DGKD: variants seen among roughly 807,000 people sequenced by gnomAD.
The protein encoded by DGKD is diacylglycerol kinase delta.
A neutral mutation model predicts 154.4 loss-of-function variants in DGKD; 68 were observed. The ratio of observed to expected loss-of-function variants is 0.44; its 90% CI spans 0.36 to 0.54. DGKD has a LOEUF of 0.54. Among genes scored for constraint, DGKD ranks in the 20% least tolerant of loss-of-function variants. The pLI, the probability that DGKD is intolerant of heterozygous loss-of-function variation, is 0.00. For synonymous variants in DGKD, 693 were observed against 638.0 expected (o/e 1.09, Z -1.30); for missense variants, 1,343 against 1,593.6 (o/e 0.84, Z 2.68).
chr2:233,356,779 CAG>C (rs921838777), intron 1 of DGKD, among the ~76,000 whole-genome samples: 6 of 151,418 alleles, frequency 4.0e-5, no homozygotes, highest in Non-Finnish European at 7.4e-5. Flanking sequence ...AAGAGATTGT[CAG>C]AATGTGGGAA....
chr2:233,374,111 T>C (rs1443360172), intron 1 of DGKD, among the ~76,000 whole-genome samples: 1 of 151,892 alleles, frequency 6.6e-6, no homozygotes, highest in Non-Finnish European at 1.5e-5. Flanking sequence ...AGTGCAGTGG[T>C]GTGATCTCGG....
chr2:233,448,951 G>T lies in DGKD; in HGVS notation c.1615-152G>T, dbSNP rs1013698190. ...AAGGTGGGGATTTGCAAAGGGAGTA[G>T]CCTCTGGTCTTTTTGTTACTTAGGC... On this transcript the variant is annotated intron_variant, in intron 14 of 29. Coordinates refer to ENST00000264057, the MANE Select transcript of DGKD (RefSeq NM_152879.3). The T allele has an allele frequency of 2.4e-5, 24 of 995,138 alleles. No homozygotes were observed. In the South Asian group the frequency reaches 4.1e-4, roughly 17 times the overall value. 61.6% of individuals were successfully genotyped at this position (995,138 alleles called of 1,614,324 possible). A position where few individuals can be genotyped will look rare whatever the true frequency, so the allele number is the denominator to read the frequency against.
chr2:233,437,035 T>C (rs2062720236), intron 7 of DGKD, among the ~76,000 whole-genome samples: 1 of 152,178 alleles, frequency 6.6e-6, no homozygotes, highest in Admixed American at 6.5e-5. Flanking sequence ...AGGGGACACA[T>C]AGAGGCACAT....
At position 233,448,142 on chromosome 2, in the gene DGKD, T is replaced by C; in HGVS notation, c.1475T>C (p.Leu492Pro). The C allele has an allele frequency of 6.2e-7, 1 of 1,614,078 alleles. No individual in the cohort carries two copies. The highest frequency in any genetic ancestry group is 8.5e-7 in the Non-Finnish European group (1 of 1,180,002). ...GTTGCAGCCCACCTTTCTAAAATCC[T>C]CACCTCGGACCAGCACTCGGTGGTC... ...DSVAAHLSKILTSDQHSVVIS... is the reference protein window; with the variant it reads ...DSVAAHLSKIPTSDQHSVVIS... The change falls in exon 13 of 30, where the codon CTC (leucine) becomes CCC (proline). Residue 492 changes from leucine (L) to proline (P), a missense_variant. Around this residue, in one of 6 missense-constraint regions of DGKD, gnomAD observed 409 missense variants for 446.0 expected, o/e 0.92. Transcript: ENST00000264057.
At position 233,449,020 on chromosome 2, in the gene DGKD, T is replaced by G; in HGVS notation, c.1615-83T>G. ...CCTTTTGATCGAGTTCTAGGAAGTCTGGGTGAAATGGCCTGAGGTTCCCTG... is the reference window on the plus strand; with the variant it reads ...CCTTTTGATCGAGTTCTAGGAAGTCGGGGTGAAATGGCCTGAGGTTCCCTG... On this transcript the variant is annotated intron_variant, in intron 14 of 29. Transcript: ENST00000264057. This position sits in a 1 kb window ranked among gnomAD's most constrained non-coding sequence, Gnocchi z 5.3. 1 of 1,477,180 alleles carries G rather than the reference T, an allele frequency of 6.8e-7. No homozygotes were observed. The highest frequency in any genetic ancestry group is 9.0e-7 in the Non-Finnish European group (1 of 1,107,284). 91.5% of individuals were successfully genotyped at this position (1,477,180 alleles called of 1,614,324 possible).
intron 3 of DGKD, among the ~76,000 whole-genome samples, chr2:233,395,519 C>T (rs1182613854): frequency 6.6e-6 from 1 of 151,922 alleles, no homozygotes; most frequent in African/African-American, 2.4e-5. Flanking sequence ...TACTTCCCTT[C>T]TGTGTTGTCT....
intron 1 of DGKD, among the ~76,000 whole-genome samples, chr2:233,371,500 ACT>A (rs898423931): frequency 1.4e-4 from 22 of 151,862 alleles, no homozygotes; most frequent in African/African-American, 4.8e-4. Context: ...TTGTGTTTTC[ACT>A]CTCTTGATAG....
At chr2:233,446,506 T>G (rs947330048) in intron 11 of DGKD, among the ~76,000 whole-genome samples, 5 of 152,258 alleles carry the variant, frequency 3.3e-5, no homozygotes, top group African/African-American at 9.6e-5. Context: ...CCTTCCTCTC[T>G]TTATGGAGCT....
In DGKD at chr2:233,457,755, G is replaced by T; in HGVS notation, c.2580+427G>T. The T allele has an allele frequency of 2.7e-6, 1 of 369,046 alleles. No homozygotes were observed. Among genetic ancestry groups the T allele is most frequent in the Non-Finnish European group, 5.4e-6 (1 of 186,510 alleles). The allele number at this position is 369,046 out of a possible 1,614,324, so 22.9% of individuals were successfully genotyped here. A position where few individuals can be genotyped will look rare whatever the true frequency, so the allele number is the denominator to read the frequency against. On this transcript the variant is annotated intron_variant, in intron 21 of 29. Transcript: ENST00000264057. This position sits in a 1 kb window ranked among gnomAD's most constrained non-coding sequence, Gnocchi z 5.5. ...ATGGAGGATGGGAGAGAGGTGCCCC[G>T]ACTGCAGTGGGCAGCAGGGGCGTGG...
At chr2:233,466,980 C>T (rs974139282) in intron 27 of DGKD, 106 bp from the exon 28 acceptor site, 15 of 839,072 alleles carry the variant, frequency 1.8e-5, no homozygotes, top group African/African-American at 3.4e-5. Context: ...TCCCAGCTCC[C>T]GCTCATCTCA....
chr2:233,394,988 C>T (rs926059611), intron 3 of DGKD, among the ~76,000 whole-genome samples: 1 of 151,982 alleles, frequency 6.6e-6, no homozygotes, highest in African/African-American at 2.4e-5. Context: ...AGGCATGAGC[C>T]GATGTGCCTT....
At chr2:233,454,911 T>TC in intron 19 of DGKD, 38 bp downstream of exon 19, 1 of 1,307,068 alleles carries the variant, frequency 7.7e-7, no homozygotes, top group South Asian at 1.2e-5. Flanking sequence ...GTCTTTTGCG[T>TC]CTTTGTGGCT....
At chr2:233,432,601 G>T (rs996101591) in intron 3 of DGKD, among the ~76,000 whole-genome samples, 4 of 152,230 alleles carry the variant, frequency 2.6e-5, no homozygotes, top group Non-Finnish European at 4.4e-5. Context: ...GGAGTTTGCA[G>T]TGAGCGGAGA....
intron 8 of DGKD, 39 bp downstream of exon 8, chr2:233,437,518 A>G (rs760577714): frequency 6.3e-7 from 1 of 1,578,082 alleles, no homozygotes; most frequent in South Asian, 1.1e-5. Context: ...ATGCACGCCC[A>G]CACGCTTCCT....
chr2:233,453,403 C>T (rs934569515), intron 18 of DGKD, among the ~76,000 whole-genome samples: 1 of 152,202 alleles, frequency 6.6e-6, no homozygotes, highest in Non-Finnish European at 1.5e-5. Context: ...TCTCTCTTTT[C>T]CCAGGACCTA....
intron 26 of DGKD, 79 bp downstream of exon 26, chr2:233,462,814 G>T: frequency 7.9e-7 from 1 of 1,258,330 alleles, no homozygotes; most frequent in Non-Finnish European, 1.2e-6. Flanking sequence ...GGGCACACAG[G>T]GCAGCACACT....
At chr2:233,436,636 A>G (rs2062706494) in intron 7 of DGKD, among the ~76,000 whole-genome samples, 195 bp downstream of exon 7, 1 of 152,156 alleles carries the variant, frequency 6.6e-6, no homozygotes, top group Non-Finnish European at 1.5e-5. Flanking sequence ...TTCCTTTTGC[A>G]TTTATTCCTG....
At chr2:233,425,649 G>C (rs1189618666) in intron 3 of DGKD, among the ~76,000 whole-genome samples, 1 of 152,140 alleles carries the variant, frequency 6.6e-6, no homozygotes, top group Non-Finnish European at 1.5e-5. Flanking sequence ...TACTCTTCCT[G>C]CAATTGGCTT....
chr2:233,432,235 C>G (rs1258510340), intron 3 of DGKD, among the ~76,000 whole-genome samples: 2 of 95,748 alleles, frequency 2.1e-5, no homozygotes, highest in Admixed American at 1.1e-4. Flanking sequence ...ATTAAAAATA[C>G]AAAAAATTAG....
Sources: allele counts gnomAD v4.1 joint callset (sites outside exome capture counted in the v4.1 genomes callset), GRCh38; gene constraint gnomAD v4.1.1; regional missense constraint gnomAD v4.1.1; non-coding constraint Gnocchi (gnomAD v3.1); transcripts MANE v1.5; gene names NCBI Gene and HGNC (gene_info 2026-07-23, HGNC 2026-07-21).